Variants in ARHGAP31 observed in about 807,000 individuals in gnomAD.
ARHGAP31 encodes the protein rho GTPase-activating protein 31.
Under a neutral mutation model 113.9 loss-of-function variants are expected in ARHGAP31, and 34 were observed. The ratio of observed to expected loss-of-function variants is 0.30; its 90% CI spans 0.23 to 0.40. ARHGAP31 has a LOEUF of 0.40. Ranked by LOEUF, ARHGAP31 falls within the 10% of genes least tolerant of loss-of-function variation. ARHGAP31 has a pLI of 1.00. For synonymous variants in ARHGAP31, 650 were observed against 684.8 expected, an observed-to-expected ratio of 0.95 and a Z score of 0.79; for missense variants, 1,548 against 1,767.1, an observed-to-expected ratio of 0.88 and a Z score of 2.22.
intron 8 of ARHGAP31, 72 bp downstream of exon 8, chr3:119,393,663 T>G (rs1193250610): frequency 6.3e-6 from 10 of 1,577,632 alleles, no homozygotes; most frequent in Admixed American, 1.7e-5. Flanking sequence ...GTCTTTGGTT[T>G]GATCATATCA....
At chr3:119,335,351 A>G (rs1042873588) in intron 1 of ARHGAP31, among the ~76,000 whole-genome samples, 5 of 152,194 alleles carry the variant, frequency 3.3e-5, no homozygotes, top group African/African-American at 1.2e-4. Context: ...ATGTACATAA[A>G]GTCTTTTTAA....
intron 1 of ARHGAP31, among the ~76,000 whole-genome samples, chr3:119,324,323 T>G (rs972040342): frequency 5.9e-5 from 9 of 152,240 alleles, no homozygotes; most frequent in African/African-American, 2.2e-4. Context: ...TATCCGGATG[T>G]ATTATAACAA....
At chr3:119,338,947 A>T (rs1202273603) in intron 1 of ARHGAP31, among the ~76,000 whole-genome samples, 1 of 152,242 alleles carries the variant, frequency 6.6e-6, no homozygotes, top group Non-Finnish European at 1.5e-5. Context: ...ATGGAAACAG[A>T]TTGGCAGAGT....
intron 1 of ARHGAP31, among the ~76,000 whole-genome samples, chr3:119,343,747 T>G (rs74975733): frequency 6.6e-6 from 1 of 152,154 alleles, no homozygotes; most frequent in Non-Finnish European, 1.5e-5. Context: ...CTCTCCCTTT[T>G]CTCCCTGAGG....
chr3:119,374,573 C>G (rs1031541460), intron 3 of ARHGAP31, among the ~76,000 whole-genome samples: 1 of 152,118 alleles, frequency 6.6e-6, no homozygotes, highest in Non-Finnish European at 1.5e-5. Flanking sequence ...GTGATTGGAT[C>G]GTGGGGGCAG....
At chr3:119,382,484 G>A in intron 5 of ARHGAP31, 85 bp downstream of exon 5, 1 of 1,345,270 alleles carries the variant, frequency 7.4e-7, no homozygotes, top group South Asian at 1.2e-5. Flanking sequence ...TCTTCAAATT[G>A]AAGCCCCTTT....
At chr3:119,325,431 A>G (rs2079832030) in intron 1 of ARHGAP31, among the ~76,000 whole-genome samples, 2 of 152,242 alleles carry the variant, frequency 1.3e-5, no homozygotes, top group African/African-American at 2.4e-5. Context: ...TACAGGCAAC[A>G]TATTTTAGTG....
At chr3:119,346,129 C>T (rs1179872678) in intron 1 of ARHGAP31, among the ~76,000 whole-genome samples, 1 of 152,228 alleles carries the variant, frequency 6.6e-6, no homozygotes, top group East Asian at 1.9e-4. Context: ...CTGCTTTCCT[C>T]TGTGTTCCCA....
chr3:119,371,563 G>A (rs942185898), intron 3 of ARHGAP31, among the ~76,000 whole-genome samples: 1 of 152,096 alleles, frequency 6.6e-6, no homozygotes, highest in Admixed American at 6.5e-5. Flanking sequence ...AAACCTTCAC[G>A]GGTATGGAAA....
At chr3:119,312,626 A>G (rs1052028636) in intron 1 of ARHGAP31, among the ~76,000 whole-genome samples, 1 of 152,186 alleles carries the variant, frequency 6.6e-6, no homozygotes, top group Non-Finnish European at 1.5e-5. Context: ...ATTGTTAAAA[A>G]CAACAACAAC....
At chr3:119,357,725 G>A (rs116623482) in intron 1 of ARHGAP31, among the ~76,000 whole-genome samples, 2,260 of 152,276 alleles carry the variant, frequency 0.015, 62 homozygotes, top group African/African-American at 0.051. Flanking sequence ...TTATACTTGA[G>A]TTAAATGTAT....
Position 119,416,206 on chromosome 3 carries a change from A to G in ARHGAP31, c.4277A>G (p.Tyr1426Cys), listed in dbSNP as rs774297893. The stretch of plus-strand genomic sequence containing the variant: ...CTAGAGACCTCAACCAGCTGTTTTT[A>G]CCAGCCTCAGCGGAGATCAGTAATT... The part of the protein sequence containing the change: ...QRLETSTSCF[Y>C]QPQRRSVILD... The change falls in exon 12 of 12, where the codon TAC (tyrosine) becomes TGC (cysteine). Residue 1426 changes from tyrosine (Y) to cysteine (C), a missense_variant. Physicochemically the swap from Tyr to Cys is radical, Grantham distance 194. Coordinates refer to ENST00000264245, the MANE Select transcript of ARHGAP31 (RefSeq NM_020754.4). 63 of 1,614,082 alleles carry G rather than the reference A, an allele frequency of 3.9e-5. No homozygotes were observed. Among genetic ancestry groups the G allele is most frequent in the Non-Finnish European group, 5.2e-5 (61 of 1,180,042 alleles).
chr3:119,304,894 CA>C (rs1173852432), intron 1 of ARHGAP31, among the ~76,000 whole-genome samples: 1 of 144,840 alleles, frequency 6.9e-6, no homozygotes, highest in Non-Finnish European at 1.5e-5. Context: ...GACTCTGTCT[CA>C]AAATAAAATA....
At chr3:119,408,168 C>T (rs1401108303) in intron 10 of ARHGAP31, among the ~76,000 whole-genome samples, 1 of 152,152 alleles carries the variant, frequency 6.6e-6, no homozygotes, top group African/African-American at 2.4e-5. Flanking sequence ...GGGACTTGAG[C>T]ACACATGGAT....
chr3:119,412,818 G>A (rs2080727818), intron 11 of ARHGAP31, among the ~76,000 whole-genome samples: 1 of 151,462 alleles, frequency 6.6e-6, no homozygotes, highest in Non-Finnish European at 1.5e-5. Context: ...GAGCCCAGGA[G>A]TTTGAGACCA....
At chr3:119,401,415 T>C (rs2080606014) in intron 9 of ARHGAP31, among the ~76,000 whole-genome samples, 1 of 152,206 alleles carries the variant, frequency 6.6e-6, no homozygotes, top group Non-Finnish European at 1.5e-5. Flanking sequence ...TCTGTTTATT[T>C]TTCCTTTTTG....
intron 3 of ARHGAP31, among the ~76,000 whole-genome samples, chr3:119,377,633 C>T (rs2080360618): frequency 6.6e-6 from 1 of 152,028 alleles, no homozygotes; most frequent in Admixed American, 6.6e-5. Flanking sequence ...GTGCTTGCTT[C>T]CACAGGTGTA....
intron 9 of ARHGAP31, among the ~76,000 whole-genome samples, chr3:119,401,149 C>T (rs1187669833): frequency 6.9e-6 from 1 of 145,906 alleles, no homozygotes; most frequent in Non-Finnish European, 1.5e-5. Context: ...CCAGCCTGGG[C>T]GACAGAGCTG....
rs1251009070 is a variant in ARHGAP31 at position 119,382,346 on chromosome 3, G to A, written c.486G>A (p.Lys162=). 11 of 1,614,136 alleles carry A rather than the reference G, an allele frequency of 6.8e-6. No homozygotes were observed. The highest frequency in any genetic ancestry group is 7.6e-6 in the Non-Finnish European group (9 of 1,180,022). Residue 162 remains lysine (K), a synonymous_variant, in exon 5 of 12, where the codon AAG becomes AAA. Coordinates refer to ENST00000264245, the MANE Select transcript of ARHGAP31 (RefSeq NM_020754.4). ...HLAHIASFSS[K]TNMHARNLAL... ...CCCATATCGCCTCCTTCAGCAGCAA[G>A]ACCAACATGCACGCCCGGAACCTGG...
Sources: gnomAD v4.1 joint callset for allele counts (sites outside exome capture counted in the v4.1 genomes callset) on GRCh38, gnomAD v4.1.1 for gene constraint, MANE v1.5 for transcripts, NCBI Gene and HGNC (gene_info 2026-07-23, HGNC 2026-07-21) for gene names.